SIM1: variants seen among roughly 807,000 people sequenced by gnomAD.
SIM1 encodes the protein SIM bHLH transcription factor 1.
A neutral mutation model predicts 78.2 loss-of-function variants in SIM1; 18 were observed. The ratio of observed to expected loss-of-function variants is 0.23; its 90% confidence interval spans 0.16 to 0.34. The LOEUF is 0.34. SIM1 is among the 10% of genes least tolerant of loss of function. The probability of loss-of-function intolerance (pLI) is 1.00; values close to 1 mark genes in which losing one functional copy is unlikely to be tolerated. For synonymous variants in SIM1, 417 were observed against 385.2 expected (o/e 1.08, Z -0.97); for missense variants, 939 against 975.1 (o/e 0.96, Z 0.49).
chr6:100,450,387 G>A (rs1297962416), intron 3 of SIM1, 31 bp from the exon 4 acceptor site: 6 of 1,582,840 alleles, frequency 3.8e-6, no homozygotes, highest in East Asian at 4.5e-5. Flanking sequence ...AGAATAGAGA[G>A]CCCTCTGGGC....
rs113956874 is a variant in SIM1, at chr6:100,449,303, C to G, written c.543+60G>C. 3.2e-4 allele frequency: 462 copies of G among 1,425,580 alleles called. 2 individuals carry two copies. The African/African-American group carries it at 5.2e-3, about 16-fold the overall frequency. The allele number at this position is 1,425,580 out of a possible 1,614,324, so 88.3% of individuals were successfully genotyped here. A position where few individuals can be genotyped will look rare whatever the true frequency, so the allele number is the denominator to read the frequency against. On this transcript the variant is annotated intron_variant, in intron 6 of 11. Transcript: ENST00000369208. ...AGGTAGGGACATTCCTCCCACGCCG[C>G]ACGCGCCTTGCTTCCCGCCTCCTCT...
chr6:100,399,532 G>A (rs1461579612), intron 10 of SIM1, among the ~76,000 whole-genome samples: 1 of 152,064 alleles, frequency 6.6e-6, no homozygotes, highest in Non-Finnish European at 1.5e-5. Flanking sequence ...TAGTAATAAT[G>A]CAATATCCTG....
intron 10 of SIM1, among the ~76,000 whole-genome samples, chr6:100,407,498 T>C (rs184038983): frequency 6.2e-4 from 95 of 152,242 alleles, no homozygotes; most frequent in African/African-American, 2.3e-3. Context: ...ATATCATAGT[T>C]CTATTTTTAA....
At chr6:100,404,751 C>A (rs1306725728) in intron 10 of SIM1, among the ~76,000 whole-genome samples, 1 of 152,002 alleles carries the variant, frequency 6.6e-6, no homozygotes, top group Non-Finnish European at 1.5e-5. Context: ...TTGGAAATTG[C>A]CAGGAGTTTT....
chr6:100,463,223 T>G, intron 2 of SIM1, 71 bp downstream of exon 2: 1 of 1,361,618 alleles, frequency 7.3e-7, no homozygotes, highest in Non-Finnish European at 1.0e-6. Context: ...TGGTCACTGA[T>G]GTCGGCTCAT....
At chr6:100,456,758 G>A (rs1331488717) in intron 2 of SIM1, among the ~76,000 whole-genome samples, 1 of 152,080 alleles carries the variant, frequency 6.6e-6, no homozygotes, top group African/African-American at 2.4e-5. Context: ...GGATCTAAAG[G>A]GCTAGCTCAC....
chr6:100,443,188 T>C (rs914990874), intron 9 of SIM1, among the ~76,000 whole-genome samples: 18 of 152,190 alleles, frequency 1.2e-4, no homozygotes, highest in African/African-American at 4.3e-4. Context: ...CAATATAAAT[T>C]GTCTCTATTT....
At chr6:100,452,696 G>C (rs1772544759) in intron 3 of SIM1, among the ~76,000 whole-genome samples, 1 of 152,166 alleles carries the variant, frequency 6.6e-6, no homozygotes. Flanking sequence ...AATTAGTTGG[G>C]AATATGAAAA....
At chr6:100,399,923 G>A (rs1770864384) in intron 10 of SIM1, among the ~76,000 whole-genome samples, 1 of 151,722 alleles carries the variant, frequency 6.6e-6, no homozygotes, top group African/African-American at 2.4e-5. Flanking sequence ...CATAAACAAG[G>A]CAAATGTAGA....
At chr6:100,396,935 C>G (rs550753350) in intron 10 of SIM1, among the ~76,000 whole-genome samples, 1 of 152,294 alleles carries the variant, frequency 6.6e-6, no homozygotes, top group Admixed American at 6.5e-5. Context: ...CTTTATCTAA[C>G]TTGTCTTTCA....
chr6:100,452,345 T>C (rs1024832013), intron 3 of SIM1, among the ~76,000 whole-genome samples: 3 of 152,246 alleles, frequency 2.0e-5, no homozygotes, highest in Admixed American at 1.3e-4. Context: ...CTTGTAAAGC[T>C]GCTCTCCTTA....
At chr6:100,404,424 C>T (rs575369129) in intron 10 of SIM1, among the ~76,000 whole-genome samples, 1 of 152,312 alleles carries the variant, frequency 6.6e-6, no homozygotes, top group African/African-American at 2.4e-5. Flanking sequence ...GAAAAACTTT[C>T]ACTCTATCAG....
At chr6:100,409,706 CCAGA>C (rs1267739933) in intron 10 of SIM1, among the ~76,000 whole-genome samples, 1 of 151,890 alleles carries the variant, frequency 6.6e-6, no homozygotes, top group Non-Finnish European at 1.5e-5. Context: ...TTGCTGCAAC[CCAGA>C]CATTTTTATA....
chr6:100,440,246 A>G (rs1046590185), intron 9 of SIM1, among the ~76,000 whole-genome samples: 2 of 152,172 alleles, frequency 1.3e-5, no homozygotes, highest in Non-Finnish European at 2.9e-5. Context: ...CATATGGGGC[A>G]ACAGAGGGTC....
At chr6:100,436,481 G>T (rs1210208642) in intron 9 of SIM1, among the ~76,000 whole-genome samples, 1 of 152,208 alleles carries the variant, frequency 6.6e-6, no homozygotes, top group South Asian at 2.1e-4. Context: ...TCCCTCCATT[G>T]GTCCAAAGAC....
chr6:100,424,384 C>T (rs758951349), intron 9 of SIM1, among the ~76,000 whole-genome samples: 7 of 151,788 alleles, frequency 4.6e-5, no homozygotes, highest in Non-Finnish European at 8.8e-5. Flanking sequence ...TATGTATAGG[C>T]CTCAATTTCT....
At chr6:100,439,067 C>T (rs1026908726) in intron 9 of SIM1, among the ~76,000 whole-genome samples, 1 of 151,942 alleles carries the variant, frequency 6.6e-6, no homozygotes, top group Non-Finnish European at 1.5e-5. Context: ...GGAATTTATC[C>T]ATGTAACCAA....
At chr6:100,424,024 C>T (rs532219502) in intron 9 of SIM1, among the ~76,000 whole-genome samples, 2 of 152,030 alleles carry the variant, frequency 1.3e-5, no homozygotes, top group African/African-American at 2.4e-5. Flanking sequence ...AGTGAATAAA[C>T]AAGGATTTAT....
chr6:100,449,808 C>G (rs781497296), intron 4 of SIM1, 109 bp from the exon 5 acceptor site: 104 of 863,982 alleles, frequency 1.2e-4, no homozygotes, highest in Non-Finnish European at 1.8e-4. Context: ...AGCCAGAATT[C>G]TGGAATTGGC....
Sources: gnomAD v4.1 joint callset for allele counts (sites outside exome capture counted in the v4.1 genomes callset) on GRCh38, gnomAD v4.1.1 for gene constraint, MANE v1.5 for transcripts, NCBI Gene and HGNC (gene_info 2026-07-23, HGNC 2026-07-21) for gene names.